Variants in POGLUT3 observed in about 807,000 individuals in gnomAD.
POGLUT3 encodes the protein protein O-glucosyltransferase 3, also known as KDEL (Lys-Asp-Glu-Leu) containing 2.
A neutral mutation model predicts 54.3 loss-of-function variants in POGLUT3; 48 were observed. That is an observed-to-expected ratio of 0.88 (90% confidence interval 0.70 to 1.12). The LOEUF (loss-of-function observed/expected upper bound fraction) is 1.12, where lower values mean the gene tolerates loss of function less well. Ranked by LOEUF, POGLUT3 falls within the 50% of genes most tolerant of loss-of-function variation. POGLUT3 has a pLI of 0.00. For synonymous variants in POGLUT3, 218 were observed against 237.4 expected, an observed-to-expected ratio of 0.92 and a Z score of 0.75; for missense variants, 629 against 618.7, an observed-to-expected ratio of 1.02 and a Z score of -0.18.
intron 5 of POGLUT3, 62 bp from the exon 6 acceptor site, chr11:108,479,557 T>G: frequency 8.1e-7 from 1 of 1,240,912 alleles, no homozygotes; most frequent in East Asian, 2.4e-5. Context: ...CTTCTGCTCC[T>G]CATCAACACT....
At position 108,474,077 on chromosome 11, in the gene POGLUT3, C is replaced by T. The variant is rs1189002781; in HGVS notation, c.*750G>A. 6.6e-6 allele frequency: 1 copy of T among 151,896 alleles called. No individual in the cohort carries two copies. Among genetic ancestry groups the T allele is most frequent in the Non-Finnish European group, 1.5e-5 (1 of 68,014 alleles). The allele number at this position is 151,896 out of a possible 1,614,324, so 9.4% of individuals were successfully genotyped here. On this transcript the variant is annotated 3_prime_UTR_variant, in exon 8 of 8. Coordinates refer to ENST00000323468, the MANE Select transcript of POGLUT3 (RefSeq NM_153705.5). ...CAGTGACGGGGGGCGGGGGGACAACCCTGAACAAATATTTTCTCTTCATAA... is the reference window on the plus strand; with the variant it reads ...CAGTGACGGGGGGCGGGGGGACAACTCTGAACAAATATTTTCTCTTCATAA...
At chr11:108,477,762 C>T in intron 6 of POGLUT3, 51 bp from the exon 7 acceptor site, 1 of 1,182,348 alleles carries the variant, frequency 8.5e-7, no homozygotes, top group East Asian at 2.3e-5. Flanking sequence ...CTGCGACCCA[C>T]AAAGAGAGGG....
chr11:108,480,896 A>G (rs2093591008), intron 5 of POGLUT3, among the ~76,000 whole-genome samples: 1 of 74,848 alleles, frequency 1.3e-5, no homozygotes, highest in African/African-American at 3.2e-5. Context: ...AAGCAAATAC[A>G]AAAAAAAAAA....
In POGLUT3 at chr11:108,472,557, C is replaced by T. The variant is rs962470757; in HGVS notation, c.*2270G>A. The T allele has an allele frequency of 2.0e-5, 3 of 152,140 alleles. No homozygotes were observed. The highest frequency in any genetic ancestry group is 4.4e-5 in the Non-Finnish European group (3 of 68,018). 9.4% of individuals were successfully genotyped at this position (152,140 alleles called of 1,614,324 possible). A position where few individuals can be genotyped will look rare whatever the true frequency, so the allele number is the denominator to read the frequency against. On this transcript the variant is annotated 3_prime_UTR_variant, in exon 8 of 8. Coordinates refer to ENST00000323468, the MANE Select transcript of POGLUT3 (RefSeq NM_153705.5). ...CCCTATAGAATTTTTTGAGGGATTC[C>T]ACCTTTTTTTAAAGCACATCCTTCC... is the stretch of plus-strand genomic sequence containing the variant.
Position 108,498,203 on chromosome 11 carries a change from A to AG in POGLUT3, c.163_164insC (p.Val55AlafsTer15). 1 of 1,521,270 alleles carries AG rather than the reference A, an allele frequency of 6.6e-7. No individual in the cohort carries two copies. The highest frequency in any genetic ancestry group is 2.8e-5 in the East Asian group (1 of 35,836). The allele number at this position is 1,521,270 out of a possible 1,614,324, so 94.2% of individuals were successfully genotyped here. A position where few individuals can be genotyped will look rare whatever the true frequency, so the allele number is the denominator to read the frequency against. The stretch of plus-strand genomic sequence containing the variant: ...AGTGAGGTTCTGGCCCTCCGAGTTG[A>AG]CCGCCTGCAGGTAGAAATAGCGGAC... On this transcript the variant is annotated frameshift_variant, in exon 1 of 8. Transcript: ENST00000323468. LOFTEE classifies it high-confidence loss of function.
chr11:108,480,767 C>T (rs576232689), intron 5 of POGLUT3, among the ~76,000 whole-genome samples: 1 of 152,036 alleles, frequency 6.6e-6, no homozygotes. Context: ...GGATTAGAAG[C>T]AGGCCTTGAA....
At chr11:108,484,072 A>G (rs568917566) in intron 3 of POGLUT3, among the ~76,000 whole-genome samples, 1 of 152,210 alleles carries the variant, frequency 6.6e-6, no homozygotes, top group Admixed American at 6.5e-5. Context: ...GGGCTGGATA[A>G]TTCTTTGCGA....
rs546956668 is a variant in POGLUT3, at chr11:108,475,984, A to T, written c.1399-1032T>A. On this transcript the variant is annotated intron_variant, in intron 7 of 7. Transcript: ENST00000323468. Reference sequence around the variant, plus strand: ...ACACGGCAAGAGCTTGTTTCTAAAAAAAATAAATAAATTAGCTGAGTGTGG... The same window carrying T: ...ACACGGCAAGAGCTTGTTTCTAAAATAAATAAATAAATTAGCTGAGTGTGG... Among the ~76,000 whole-genome samples the T allele has an allele frequency of 8.8e-4, 134 of 152,194 alleles. 1 individual carries two copies. Among genetic ancestry groups the T allele is most frequent in the African/African-American group, 2.9e-3 (120 of 41,532 alleles).
intron 2 of POGLUT3, among the ~76,000 whole-genome samples, chr11:108,488,770 T>C (rs1475827185): frequency 1.3e-5 from 2 of 152,052 alleles, no homozygotes; most frequent in Non-Finnish European, 2.9e-5. Context: ...GGCTGAGAAA[T>C]GGACATCTAA....
chr11:108,486,039 T>A (rs1017123620), intron 3 of POGLUT3, 118 bp downstream of exon 3: 1 of 770,512 alleles, frequency 1.3e-6, no homozygotes, highest in Non-Finnish European at 2.1e-6. Flanking sequence ...GTTGCAAATA[T>A]CTTAGATGCC....
intron 7 of POGLUT3, among the ~76,000 whole-genome samples, chr11:108,476,453 G>A (rs907907297): frequency 6.6e-6 from 1 of 152,082 alleles, no homozygotes; most frequent in African/African-American, 2.4e-5. Context: ...TAAAAAAACT[G>A]TTTAACGATT....
Position 108,477,655 on chromosome 11 carries a change from G to A in POGLUT3, c.1350C>T (p.Asp450=). The change falls in exon 7 of 8, where the codon GAC becomes GAT. Residue 450 remains aspartate (D), a synonymous_variant. Coordinates refer to ENST00000323468, the MANE Select transcript of POGLUT3 (RefSeq NM_153705.5). The part of the protein sequence containing the change: ...IAKEGQLMAR[D]LLQPHRLYCY... ...AGTAAAGCCTGTGTGGCTGTAGTAGGTCCCTAGCCATCAACTGTCCTTCTT... is the reference window on the plus strand; with the variant it reads ...AGTAAAGCCTGTGTGGCTGTAGTAGATCCCTAGCCATCAACTGTCCTTCTT... 2 of 1,613,438 alleles carry A rather than the reference G, an allele frequency of 1.2e-6. No homozygotes were observed. Among genetic ancestry groups the A allele is most frequent in the Non-Finnish European group, 1.7e-6 (2 of 1,179,432 alleles).
chr11:108,484,966 A>G (rs1417828190), intron 3 of POGLUT3, among the ~76,000 whole-genome samples: 1 of 151,718 alleles, frequency 6.6e-6, no homozygotes, highest in Non-Finnish European at 1.5e-5. Context: ...CTATTGGGGG[A>G]TGTGGGGAGC....
At position 108,473,361 on chromosome 11, in the gene POGLUT3, T is replaced by C. The variant is rs2093573793; in HGVS notation, c.*1466A>G. The stretch of plus-strand genomic sequence containing the variant: ...CGTGAGCCACTGCAACCGGCCAGAG[T>C]ACATATTTTAAAATTTGGAATGAGG... On this transcript the variant is annotated 3_prime_UTR_variant, in exon 8 of 8. Transcript: ENST00000323468. 1 of 152,158 alleles carries C rather than the reference T, an allele frequency of 6.6e-6. No homozygotes were observed. Among genetic ancestry groups the C allele is most frequent in the African/African-American group, 2.4e-5 (1 of 41,408 alleles). The allele number at this position is 152,158 out of a possible 1,614,324, so 9.4% of individuals were successfully genotyped here. A position where few individuals can be genotyped will look rare whatever the true frequency, so the allele number is the denominator to read the frequency against.
chr11:108,483,220 A>G (rs568236860), intron 3 of POGLUT3, among the ~76,000 whole-genome samples: 2 of 152,322 alleles, frequency 1.3e-5, no homozygotes, highest in South Asian at 4.1e-4. Flanking sequence ...AGGCCTCACA[A>G]TCTTGTCCCA....
intron 7 of POGLUT3, among the ~76,000 whole-genome samples, chr11:108,477,060 G>T (rs1349644488): frequency 6.6e-6 from 1 of 152,054 alleles, no homozygotes; most frequent in Non-Finnish European, 1.5e-5. Flanking sequence ...ATCTATATTT[G>T]TGAGGGCTCC....
chr11:108,491,555 T>G, intron 1 of POGLUT3: 4 of 236,572 alleles, frequency 1.7e-5, no homozygotes, highest in East Asian at 1.0e-4. Flanking sequence ...GTAGAGATGG[T>G]GGGGGGCGGG....
chr11:108,479,197 T>G, intron 6 of POGLUT3, 104 bp downstream of exon 6: 1 of 765,476 alleles, frequency 1.3e-6, no homozygotes, highest in Non-Finnish European at 2.0e-6. Context: ...AAATAATATT[T>G]CTTTTCATTC....
chr11:108,475,292 T>C (rs550699005), intron 7 of POGLUT3, among the ~76,000 whole-genome samples: 1 of 152,272 alleles, frequency 6.6e-6, no homozygotes, highest in South Asian at 2.1e-4. Flanking sequence ...ATTAACTTTG[T>C]TGAATACTCA....
Sources: gnomAD v4.1 joint callset for allele counts (sites outside exome capture counted in the v4.1 genomes callset) on GRCh38, gnomAD v4.1.1 for gene constraint, MANE v1.5 for transcripts, NCBI Gene and HGNC (gene_info 2026-07-23, HGNC 2026-07-21) for gene names.